TRPC6: variants seen among roughly 807,000 people sequenced by gnomAD.
The protein encoded by TRPC6 is transient receptor potential cation channel subfamily C member 6.
Under a neutral mutation model 90.7 loss-of-function variants are expected in TRPC6, and 55 were observed. That is an observed-to-expected ratio of 0.61 (90% confidence interval 0.49 to 0.76). The LOEUF (loss-of-function observed/expected upper bound fraction) is 0.76. Among genes scored for constraint, TRPC6 ranks in the 30% least tolerant of loss-of-function variants. The probability of loss-of-function intolerance (pLI) is 0.00; values close to 1 mark genes in which losing one functional copy is unlikely to be tolerated. For missense variants in TRPC6, 989 were observed against 1,122.7 expected (o/e 0.88, Z 1.70); for synonymous variants, 393 against 393.0 (o/e 1.00, Z 0.00).
intron 1 of TRPC6, among the ~76,000 whole-genome samples, chr11:101,526,761 G>A (rs1223078505): frequency 6.7e-6 from 1 of 150,214 alleles, no homozygotes; most frequent in Non-Finnish European, 1.5e-5. Flanking sequence ...CTACTCGGGA[G>A]GCTGAGGCAG....
In TRPC6 at chr11:101,511,507, C is replaced by T. The variant is rs572374933; in HGVS notation, c.171-6709G>A. On this transcript the variant is annotated intron_variant, in intron 1 of 12. Coordinates refer to ENST00000344327, the MANE Select transcript of TRPC6 (RefSeq NM_004621.6). ...GACTGCAAACGACTACAATGTACAA[C>T]CCTACACAGAAAAAAAGGAACAAAA... Among the ~76,000 whole-genome samples the T allele has an allele frequency of 2.6e-5, 4 of 152,208 alleles. No individual in the cohort carries two copies. In the South Asian group the frequency reaches 8.3e-4, roughly 32 times the overall value.
chr11:101,568,830 A>G (rs558866595), intron 1 of TRPC6, among the ~76,000 whole-genome samples: 6 of 152,338 alleles, frequency 3.9e-5, no homozygotes, highest in Admixed American at 1.3e-4. Context: ...TTGTGTCACC[A>G]CCAGGCCTGC....
intron 7 of TRPC6, 39 bp downstream of exon 7, chr11:101,473,470 T>C (rs1859340433): frequency 6.2e-7 from 1 of 1,607,572 alleles, no homozygotes; most frequent in Non-Finnish European, 8.5e-7. Context: ...ATTTATTTAA[T>C]TTGCAATAAC....
Position 101,583,691 on chromosome 11 carries a change from A to G in TRPC6, c.-188T>C. On this transcript the variant is annotated 5_prime_UTR_variant, in exon 1 of 13. Transcript: ENST00000344327. Reference sequence around the variant, plus strand: ...AAGTGGCTCGCCCACTGGCCCGGGGAAAAGTCACCACTTAAGGGGGTGCAA... The same window carrying G: ...AAGTGGCTCGCCCACTGGCCCGGGGGAAAGTCACCACTTAAGGGGGTGCAA... 1 of 559,516 alleles carries G rather than the reference A, an allele frequency of 1.8e-6. No homozygotes were observed. The highest frequency in any genetic ancestry group is 3.4e-5 in the East Asian group (1 of 29,616). 34.7% of individuals were successfully genotyped at this position (559,516 alleles called of 1,614,324 possible).
At chr11:101,458,564 T>C (rs1194372095) in intron 10 of TRPC6, among the ~76,000 whole-genome samples, 1 of 152,220 alleles carries the variant, frequency 6.6e-6, no homozygotes, top group Non-Finnish European at 1.5e-5. Context: ...TCTGAACAGC[T>C]AATGCTAGCA....
intron 2 of TRPC6, among the ~76,000 whole-genome samples, chr11:101,502,734 TGG>T (rs1860159883): frequency 6.6e-6 from 1 of 152,182 alleles, no homozygotes; most frequent in Non-Finnish European, 1.5e-5. Flanking sequence ...GCCAGGTAGC[TGG>T]AGGAAAAGCA....
At chr11:101,465,442 G>A (rs1210577981) in intron 10 of TRPC6, among the ~76,000 whole-genome samples, 6 of 152,112 alleles carry the variant, frequency 3.9e-5, no homozygotes, top group Non-Finnish European at 8.8e-5. Flanking sequence ...TGTAGGTTTG[G>A]TCTTTCCACG....
chr11:101,483,405 A>G (rs546398204), intron 4 of TRPC6, among the ~76,000 whole-genome samples: 133 of 152,320 alleles, frequency 8.7e-4, no homozygotes, highest in African/African-American at 3.2e-3. Context: ...TTTTTCTAAT[A>G]AAGGATATTT....
At chr11:101,524,844 A>G (rs1214670301) in intron 1 of TRPC6, among the ~76,000 whole-genome samples, 1 of 152,228 alleles carries the variant, frequency 6.6e-6, no homozygotes, top group Non-Finnish European at 1.5e-5. Flanking sequence ...TTATTTTATG[A>G]ATTTCCTACA....
At chr11:101,487,641 A>AC (rs1049864296) in intron 4 of TRPC6, among the ~76,000 whole-genome samples, 1 of 151,978 alleles carries the variant, frequency 6.6e-6, no homozygotes. Flanking sequence ...AAAGGGAAAA[A>AC]AAGTCAATTT....
At chr11:101,581,736 T>C (rs1212164989) in intron 1 of TRPC6, among the ~76,000 whole-genome samples, 1 of 152,230 alleles carries the variant, frequency 6.6e-6, no homozygotes, top group Non-Finnish European at 1.5e-5. Flanking sequence ...ATTCTTGTTT[T>C]TTCTTGTCAT....
At chr11:101,491,955 C>T (rs959764036) in intron 2 of TRPC6, among the ~76,000 whole-genome samples, 3 of 149,050 alleles carry the variant, frequency 2.0e-5, no homozygotes, top group Non-Finnish European at 4.4e-5. Context: ...ATTCTCCTGC[C>T]TCAGCCTCCC....
chr11:101,480,797 G>T (rs1859534063), intron 5 of TRPC6, among the ~76,000 whole-genome samples: 1 of 152,074 alleles, frequency 6.6e-6, no homozygotes, highest in African/African-American at 2.4e-5. Context: ...TAAACTATGA[G>T]ACATGGGCTT....
chr11:101,464,620 T>G (rs1260356501), intron 10 of TRPC6, among the ~76,000 whole-genome samples: 1 of 152,184 alleles, frequency 6.6e-6, no homozygotes, highest in Non-Finnish European at 1.5e-5. Context: ...ACCTGCTTTT[T>G]TTTTCTTGCT....
chr11:101,558,453 GCACACATACACACA>G (rs1247628210), intron 1 of TRPC6, among the ~76,000 whole-genome samples: 7 of 24,876 alleles, frequency 2.8e-4, no homozygotes, highest in Admixed American at 2.7e-3. Context: ...ATATACACAC[GCACACATACACACA>G]CACACACACA....
At chr11:101,483,241 G>T (rs1859595708) in intron 4 of TRPC6, 76 bp from the exon 5 acceptor site, 10 of 1,407,074 alleles carry the variant, frequency 7.1e-6, no homozygotes, top group Non-Finnish European at 8.0e-6. Flanking sequence ...ATACATGCAA[G>T]AATAAACATC....
chr11:101,576,882 T>C (rs1426129821), intron 1 of TRPC6, among the ~76,000 whole-genome samples: 2 of 152,154 alleles, frequency 1.3e-5, no homozygotes, highest in East Asian at 3.8e-4. Flanking sequence ...CATCTGGCAA[T>C]CATTCCACAA....
At chr11:101,491,841 T>C in intron 2 of TRPC6, 103 bp from the exon 3 acceptor site, 1 of 985,988 alleles carries the variant, frequency 1.0e-6, no homozygotes, top group African/African-American at 2.0e-5. Flanking sequence ...ACATTCTTTT[T>C]TTTTTTTTTT....
intron 4 of TRPC6, among the ~76,000 whole-genome samples, chr11:101,487,899 G>A (rs528372435): frequency 1.3e-5 from 2 of 152,204 alleles, no homozygotes; most frequent in South Asian, 4.1e-4. Context: ...TTTCTAGCAT[G>A]AGTCATTTTG....
Sources: gnomAD v4.1 joint callset for allele counts (sites outside exome capture counted in the v4.1 genomes callset) on GRCh38, gnomAD v4.1.1 for gene constraint, MANE v1.5 for transcripts, NCBI Gene and HGNC (gene_info 2026-07-23, HGNC 2026-07-21) for gene names.